Variants in KCNG2 observed in about 807,000 individuals in gnomAD.
The protein encoded by KCNG2 is voltage-gated potassium channel regulatory subunit KCNG2.
A neutral mutation model predicts 12.3 loss-of-function variants in KCNG2; 7 were observed. The observed-to-expected ratio is 0.57, with a 90% CI of 0.32 to 1.07. KCNG2 has a LOEUF of 1.07. KCNG2 is among the 50% of genes least tolerant of loss of function. The pLI is 0.04. For missense variants in KCNG2, 703 were observed against 726.0 expected (o/e 0.97, Z 0.36); for synonymous variants, 414 against 351.4 (o/e 1.18, Z -1.99).
At chr18:79,890,284 T>G (rs1980699246) in intron 3 of KCNG2, among the ~76,000 whole-genome samples, 1 of 152,140 alleles carries the variant, frequency 6.6e-6, no homozygotes, top group African/African-American at 2.4e-5. Context: ...TGGTATTAAT[T>G]CCTTTTTTAT....
At chr18:79,875,655 C>G (rs561772150) in intron 3 of KCNG2, among the ~76,000 whole-genome samples, 11 of 152,206 alleles carry the variant, frequency 7.2e-5, no homozygotes, top group African/African-American at 2.7e-4. Context: ...GACCCTGGCA[C>G]GGGGTTGGGG....
chr18:79,814,903 C>T (rs1193857229), intron 1 of KCNG2, among the ~76,000 whole-genome samples: 1 of 134,158 alleles, frequency 7.5e-6, no homozygotes, highest in African/African-American at 2.8e-5. Flanking sequence ...TGCTTTTACC[C>T]TGTGTGCTTT....
At chr18:79,816,767 C>T (rs516890) in intron 1 of KCNG2, among the ~76,000 whole-genome samples, 61,758 of 152,122 alleles carry the variant, frequency 0.41, 14,392 homozygotes, top group Non-Finnish European at 0.54. Context: ...AGTGACACCA[C>T]GGTGCAGTGT....
intron 1 of KCNG2, among the ~76,000 whole-genome samples, chr18:79,805,732 TAA>T (rs1424884859): frequency 1.3e-5 from 2 of 152,130 alleles, no homozygotes; most frequent in Admixed American, 6.5e-5. Flanking sequence ...CAGAGGAAGT[TAA>T]ATTAGCAGAT....
intron 1 of KCNG2, among the ~76,000 whole-genome samples, chr18:79,811,203 C>G: frequency 6.6e-6 from 1 of 152,228 alleles, no homozygotes; most frequent in South Asian, 2.1e-4. Context: ...TCCTAGCTGA[C>G]TTTTTGCAGA....
intron 3 of KCNG2, 57 bp from the exon 4 acceptor site, chr18:79,898,983 C>T (rs1239122540): frequency 6.1e-6 from 8 of 1,308,202 alleles, no homozygotes; most frequent in Admixed American, 2.9e-5. Context: ...AAGGGCAAGG[C>T]GCCCCCGGCC....
rs1288688664 is a variant in KCNG2 at position 79,899,525 on chromosome 18, G to A, written c.1110G>A (p.Val370=). ...YWWAVISMTT[V]GYGDMVPRSL... ...GGGCCGTCATCTCCATGACCACCGT[G>A]GGCTACGGCGACATGGTCCCGCGCA... Residue 370 remains valine (V), a synonymous_variant, in exon 4 of 4, where the codon GTG becomes GTA. Transcript: ENST00000316249. 10 of 1,606,768 alleles carry A rather than the reference G, an allele frequency of 6.2e-6. No individual in the cohort carries two copies. The highest frequency in any genetic ancestry group is 8.5e-6 in the Non-Finnish European group (10 of 1,177,422).
Position 79,817,314 on chromosome 18 carries a change from C to T in KCNG2, c.-115+19300C>T, listed in dbSNP as rs1490936130. Among the ~76,000 whole-genome samples, 6 of 152,224 alleles carry T rather than the reference C, an allele frequency of 3.9e-5. No individual in the cohort carries two copies. In the East Asian group the frequency reaches 5.8e-4, roughly 15 times the overall value. On this transcript the variant is annotated intron_variant, in intron 1 of 3. Coordinates refer to ENST00000316249, the MANE Select transcript of KCNG2 (RefSeq NM_012283.2). ...TCACATGCCTGCCTCACGGCTGCCA[C>T]ATGGCCGCCACTCACATGCCTGTCA...
At chr18:79,840,284 A>T (rs751005929) in intron 1 of KCNG2, among the ~76,000 whole-genome samples, 8 of 152,240 alleles carry the variant, frequency 5.3e-5, no homozygotes, top group Non-Finnish European at 1.0e-4. Context: ...AGATTGCAAG[A>T]CATAAGATAA....
chr18:79,854,287 GTGCCGTGTCCTGCCTGGA>G (rs1202580161), intron 1 of KCNG2, among the ~76,000 whole-genome samples: 8 of 152,212 alleles, frequency 5.3e-5, no homozygotes, highest in Non-Finnish European at 1.5e-5. Context: ...GTGTGCCTGG[GTGCCGTGTCCTGCCTGGA>G]CGCCGTCACA....
rs765837591 is a variant in KCNG2 at position 79,884,760 on chromosome 18, T to G, written c.625-14280T>G. Among the ~76,000 whole-genome samples, 5 of 152,148 alleles carry G rather than the reference T, an allele frequency of 3.3e-5. No individual in the cohort carries two copies. The highest frequency in any genetic ancestry group is 6.5e-5 in the Admixed American group (1 of 15,288). On this transcript the variant is annotated intron_variant, in intron 3 of 3. Transcript: ENST00000316249. This position sits in a 1 kb window ranked among gnomAD's most constrained non-coding sequence, Gnocchi z 5.5. ...AGGGGTCCGCCCGGCTCTGTGTTCC[T>G]CGGGGGGGCTCATCCTGGGGCCCAG...
chr18:79,881,951 G>A (rs73483504), intron 3 of KCNG2, among the ~76,000 whole-genome samples: 208 of 152,220 alleles, frequency 1.4e-3, no homozygotes, highest in African/African-American at 4.8e-3. Flanking sequence ...GGCCGGGCAC[G>A]GAGAAAGAAT....
chr18:79,876,951 C>T (rs552757753), intron 3 of KCNG2, among the ~76,000 whole-genome samples: 3 of 152,340 alleles, frequency 2.0e-5, no homozygotes, highest in Admixed American at 6.5e-5. Context: ...CGATTTTCTC[C>T]AGACACGAAG....
intron 2 of KCNG2, among the ~76,000 whole-genome samples, chr18:79,857,521 C>G (rs187145139): frequency 1.3e-5 from 2 of 151,806 alleles, no homozygotes; most frequent in African/African-American, 2.4e-5. Context: ...ACGCTTGGGT[C>G]GAGTGGGCAG....
chr18:79,828,894 C>T (rs550835928), intron 1 of KCNG2, among the ~76,000 whole-genome samples: 1 of 127,358 alleles, frequency 7.9e-6, no homozygotes, highest in African/African-American at 3.2e-5. Flanking sequence ...GTAACATGTC[C>T]ATGATGTGTG....
chr18:79,838,451 G>A (rs985728598), intron 1 of KCNG2, among the ~76,000 whole-genome samples: 4 of 145,466 alleles, frequency 2.7e-5, no homozygotes, highest in Admixed American at 7.0e-5. Flanking sequence ...TCTCTCTGTC[G>A]CCCAGGCTGA....
intron 1 of KCNG2, among the ~76,000 whole-genome samples, chr18:79,811,464 C>T (rs903331585): frequency 2.0e-5 from 3 of 152,104 alleles, no homozygotes; most frequent in African/African-American, 4.8e-5. Flanking sequence ...CAAGACCATG[C>T]AATGGAGAAA....
intron 1 of KCNG2, among the ~76,000 whole-genome samples, chr18:79,805,661 G>A (rs2087443852): frequency 6.6e-6 from 1 of 152,046 alleles, no homozygotes; most frequent in South Asian, 2.1e-4. Flanking sequence ...ACCACCTGGC[G>A]CCCTGCAGGG....
chr18:79,834,776 C>T (rs1390965721), intron 1 of KCNG2, among the ~76,000 whole-genome samples: 1 of 152,182 alleles, frequency 6.6e-6, no homozygotes, highest in Non-Finnish European at 1.5e-5. Flanking sequence ...ACTTCCTTGT[C>T]AGGAGTCAGC....
Sources: allele counts gnomAD v4.1 joint callset (sites outside exome capture counted in the v4.1 genomes callset), GRCh38; gene constraint gnomAD v4.1.1; non-coding constraint Gnocchi (gnomAD v3.1); transcripts MANE v1.5; gene names NCBI Gene and HGNC (gene_info 2026-07-23, HGNC 2026-07-21).